The following HEMK2 variants were observed in gnomAD, a reference collection of about 807,000 sequenced individuals.
The protein encoded by HEMK2 is methyltransferase HEMK2.
the HEMK2 span, among the ~76,000 whole-genome samples, chr21:28,724,169 T>C: frequency 2.0e-5 from 3 of 152,236 alleles, no homozygotes; most frequent in Non-Finnish European, 4.4e-5. Flanking sequence ...AACGTGCTTT[T>C]TATTTTTCTT....
chr21:28,835,824 T>A, the HEMK2 span, among the ~76,000 whole-genome samples: 1 of 152,092 alleles, frequency 6.6e-6, no homozygotes. Context: ...TTTGGACCAC[T>A]TTTAGAAATG....
At chr21:28,638,252 C>G in the HEMK2 span, among the ~76,000 whole-genome samples, 1 of 152,056 alleles carries the variant, frequency 6.6e-6, no homozygotes, top group Admixed American at 6.5e-5. Flanking sequence ...AGGCATCTAA[C>G]CCATCAGGCT....
At chr21:28,741,065 A>G in the HEMK2 span, among the ~76,000 whole-genome samples, 1 of 152,234 alleles carries the variant, frequency 6.6e-6, no homozygotes, top group East Asian at 1.9e-4. Context: ...ATAACTGAAG[A>G]GCATTTTCAT....
At chr21:28,838,942 C>G in the HEMK2 span, among the ~76,000 whole-genome samples, 1 of 41,204 alleles carries the variant, frequency 2.4e-5, no homozygotes, top group Non-Finnish European at 4.8e-5. Context: ...TCTGAAACTC[C>G]GCCTCAAAAA....
chr21:28,593,764 T>C, the HEMK2 span, among the ~76,000 whole-genome samples: 16,706 of 152,194 alleles, frequency 0.11, 1,013 homozygotes, highest in African/African-American at 0.13. Context: ...AAAATAAATA[T>C]TCATGAGTCC....
chr21:28,857,312 T>A, the HEMK2 span, among the ~76,000 whole-genome samples: 1 of 152,062 alleles, frequency 6.6e-6, no homozygotes, highest in Non-Finnish European at 1.5e-5. Flanking sequence ...GAGGTTTTCC[T>A]GAAACCAAGC....
chr21:28,608,619 T>C, the HEMK2 span, among the ~76,000 whole-genome samples: 3 of 152,192 alleles, frequency 2.0e-5, no homozygotes, highest in Non-Finnish European at 2.9e-5. Flanking sequence ...AACTGTGAGT[T>C]GGCTTGCTTT....
the HEMK2 span, among the ~76,000 whole-genome samples, chr21:28,775,129 G>A: frequency 6.6e-6 from 1 of 152,304 alleles, no homozygotes; most frequent in South Asian, 2.1e-4. Flanking sequence ...AGTAACATTA[G>A]AGATAATCTT....
At chr21:28,657,257 G>A in the HEMK2 span, among the ~76,000 whole-genome samples, 2 of 152,066 alleles carry the variant, frequency 1.3e-5, no homozygotes, top group African/African-American at 4.8e-5. Context: ...TGATTGAACA[G>A]TCAAGAGGTA....
the HEMK2 span, among the ~76,000 whole-genome samples, chr21:28,736,876 GTTAC>G: frequency 4.6e-5 from 7 of 152,016 alleles, no homozygotes; most frequent in East Asian, 1.4e-3. Flanking sequence ...AGAATTGACA[GTTAC>G]GTGTCCTTTC....
At chr21:28,588,704 C>T in the HEMK2 span, among the ~76,000 whole-genome samples, 8 of 152,174 alleles carry the variant, frequency 5.3e-5, 1 homozygote, top group Non-Finnish European at 7.4e-5. Context: ...GGTGCGGTGG[C>T]TCATGCCTAT....
At chr21:28,757,055 A>C in the HEMK2 span, among the ~76,000 whole-genome samples, 1 of 152,340 alleles carries the variant, frequency 6.6e-6, no homozygotes, top group Non-Finnish European at 1.5e-5. Context: ...ACATACTGCT[A>C]TTCTTGCATT....
the HEMK2 span, chr21:28,885,128 A>G: frequency 6.9e-7 from 1 of 1,443,658 alleles, no homozygotes; most frequent in South Asian, 1.5e-5. Context: ...CAGGGCGGTG[A>G]TAGTCACCGT....
the HEMK2 span, among the ~76,000 whole-genome samples, chr21:28,701,729 T>A: frequency 6.6e-6 from 1 of 152,094 alleles, no homozygotes; most frequent in African/African-American, 2.4e-5. Flanking sequence ...ATAGGAAGAA[T>A]CAATATCATT....
the HEMK2 span, among the ~76,000 whole-genome samples, chr21:28,814,408 T>G: frequency 6.6e-6 from 1 of 151,612 alleles, no homozygotes; most frequent in Non-Finnish European, 1.5e-5. Context: ...AAAGAGCTTC[T>G]GCACAGCAAA....
At chr21:28,594,418 G>A in the HEMK2 span, among the ~76,000 whole-genome samples, 1 of 152,108 alleles carries the variant, frequency 6.6e-6, no homozygotes, top group Admixed American at 6.5e-5. Context: ...TTAACAATAA[G>A]GGAAACTGAG....
At chr21:28,885,247 CA>C in the HEMK2 span, 1 of 1,590,890 alleles carries the variant, frequency 6.3e-7, no homozygotes, top group Non-Finnish European at 8.6e-7. Flanking sequence ...CCAGCGCGTC[CA>C]AAAGCAGAAA....
chr21:28,612,250 A>G, the HEMK2 span, among the ~76,000 whole-genome samples: 2 of 152,174 alleles, frequency 1.3e-5, no homozygotes, highest in African/African-American at 2.4e-5. Context: ...AATGGGTTTC[A>G]TAGCAGGAAT....
At chr21:28,860,968 T>C in the HEMK2 span, among the ~76,000 whole-genome samples, 1 of 152,186 alleles carries the variant, frequency 6.6e-6, no homozygotes, top group Non-Finnish European at 1.5e-5. Flanking sequence ...CTTGGTTTAA[T>C]GTAGAAAAAG....
Sources: allele counts gnomAD v4.1 joint callset (sites outside exome capture counted in the v4.1 genomes callset), GRCh38; gene constraint gnomAD v4.1.1; transcripts MANE v1.5; gene names NCBI Gene and HGNC (gene_info 2026-07-23, HGNC 2026-07-21).